The following RPH3AL variants were observed in gnomAD, a reference collection of about 807,000 sequenced individuals.
RPH3AL encodes the protein rab effector Noc2.
RPH3AL carries 38 observed loss-of-function variants against 43.1 expected under a neutral mutation model. The ratio of observed to expected loss-of-function variants is 0.88; its 90% CI spans 0.68 to 1.15. The LOEUF (loss-of-function observed/expected upper bound fraction) is 1.15. Among genes scored for constraint, RPH3AL ranks in the 50% most tolerant of loss-of-function variants. RPH3AL has a pLI of 0.00. For synonymous variants in RPH3AL, 189 were observed against 176.3 expected, an observed-to-expected ratio of 1.07 and a Z score of -0.57; for missense variants, 462 against 423.2, an observed-to-expected ratio of 1.09 and a Z score of -0.81.
At position 332,789 on chromosome 17, in the gene RPH3AL, G is replaced by C. The variant is rs940996591; in HGVS notation, c.-37+970C>G. On this transcript the variant is annotated intron_variant, in intron 2 of 9. Coordinates refer to ENST00000331302, the MANE Select transcript of RPH3AL (RefSeq NM_006987.4). ...CTGGTGCCCCCAGGAGCCTCCTCTG[G>C]GAAGCTGAGACCTCCTGGTGCCACC... The C allele has an allele frequency of 2.5e-5, 8 of 320,520 alleles. No individual in the cohort carries two copies. The Admixed American group carries it at 2.7e-4, about 11-fold the overall frequency. 19.9% of individuals were successfully genotyped at this position (320,520 alleles called of 1,614,324 possible).
intron 5 of RPH3AL, among the ~76,000 whole-genome samples, chr17:302,653 C>T (rs1346520046): frequency 6.6e-6 from 1 of 152,200 alleles, no homozygotes; most frequent in Non-Finnish European, 1.5e-5. Flanking sequence ...TCCCGGCTGC[C>T]ACCCACACTC....
chr17:304,751 C>T (rs1051068405), intron 5 of RPH3AL, among the ~76,000 whole-genome samples: 1 of 152,092 alleles, frequency 6.6e-6, no homozygotes, highest in African/African-American at 2.4e-5. Context: ...ACGTGACACT[C>T]TTCTTCTTTT....
Position 333,272 on chromosome 17 carries a change from C to A in RPH3AL, c.-37+487G>T. On this transcript the variant is annotated intron_variant, in intron 2 of 9. Coordinates refer to ENST00000331302, the MANE Select transcript of RPH3AL (RefSeq NM_006987.4). This position sits in a 1 kb window ranked among gnomAD's most constrained non-coding sequence, Gnocchi z 4.5. ...TGCAGACACAGAGACGGCCATTATG[C>A]AGCCTCACGTGGTCACTCCTGGGGG... is the stretch of plus-strand genomic sequence containing the variant. 2 of 1,287,458 alleles carry A rather than the reference C, an allele frequency of 1.6e-6. No homozygotes were observed. The highest frequency in any genetic ancestry group is 2.0e-6 in the Non-Finnish European group (2 of 988,644). The allele number at this position is 1,287,458 out of a possible 1,614,324, so 79.8% of individuals were successfully genotyped here. A position where few individuals can be genotyped will look rare whatever the true frequency, so the allele number is the denominator to read the frequency against.
intron 6 of RPH3AL, among the ~76,000 whole-genome samples, chr17:269,024 G>GC (rs2042393932): frequency 6.6e-6 from 1 of 151,960 alleles, no homozygotes; most frequent in Non-Finnish European, 1.5e-5. Context: ...GACTACAGGC[G>GC]CCCGCCACCA....
intron 5 of RPH3AL, among the ~76,000 whole-genome samples, chr17:314,937 A>C (rs2043875919): frequency 7.5e-6 from 1 of 133,172 alleles, no homozygotes; most frequent in African/African-American, 3.1e-5. Context: ...ACCTCCATTG[A>C]CCTGTAGTCT....
chr17:214,437 T>C (rs548516878), intron 9 of RPH3AL, among the ~76,000 whole-genome samples: 2 of 152,262 alleles, frequency 1.3e-5, no homozygotes, highest in Admixed American at 6.5e-5. Flanking sequence ...TGAACCATAT[T>C]GAACTGCCGA....
chr17:299,613 T>C (rs1484087141), intron 5 of RPH3AL, among the ~76,000 whole-genome samples: 1 of 152,140 alleles, frequency 6.6e-6, no homozygotes. Context: ...TGCAGGGAAA[T>C]GTCCCAGCGG....
At chr17:261,871 A>G (rs1555546310) in intron 6 of RPH3AL, 1 of 152,198 alleles carries the variant, frequency 6.6e-6, no homozygotes, top group Non-Finnish European at 1.5e-5. Context: ...CCCGGAAGGC[A>G]GCGCTCAGGA....
intron 7 of RPH3AL, among the ~76,000 whole-genome samples, chr17:241,677 G>T (rs2041537024): frequency 6.6e-6 from 1 of 151,182 alleles, no homozygotes; most frequent in African/African-American, 2.4e-5. Context: ...AAAGGGTTTG[G>T]AGATGAGGGT....
At chr17:317,010 C>T (rs1182934096) in intron 5 of RPH3AL, among the ~76,000 whole-genome samples, 2 of 146,942 alleles carry the variant, frequency 1.4e-5, no homozygotes, top group Non-Finnish European at 3.0e-5. Context: ...CTCCATTGAC[C>T]TGTAGTCTCT....
intron 1 of RPH3AL, among the ~76,000 whole-genome samples, chr17:348,688 G>A (rs962319433): frequency 2.0e-5 from 3 of 152,070 alleles, no homozygotes; most frequent in African/African-American, 7.2e-5. Context: ...ATACCCTCCC[G>A]AATGCTTTTG....
chr17:281,174 T>C (rs2042769411), intron 6 of RPH3AL, among the ~76,000 whole-genome samples: 1 of 152,010 alleles, frequency 6.6e-6, no homozygotes, highest in African/African-American at 2.4e-5. Context: ...ACTAGAACCA[T>C]AGAACTGTAG....
intron 1 of RPH3AL, among the ~76,000 whole-genome samples, chr17:348,015 A>C (rs952353277): frequency 6.6e-6 from 1 of 151,590 alleles, no homozygotes; most frequent in African/African-American, 2.4e-5. Flanking sequence ...AAAAAAAAAA[A>C]ATTAAATTAA....
In RPH3AL at chr17:322,836, CAG is replaced by C. The variant is rs2044517440; in HGVS notation, c.78-1423_78-1422del. Among the ~76,000 whole-genome samples, 1 of 152,080 alleles carries C rather than the reference CAG, an allele frequency of 6.6e-6. No homozygotes were observed. The highest frequency in any genetic ancestry group is 1.5e-5 in the Non-Finnish European group (1 of 68,024). On this transcript the variant is annotated intron_variant, in intron 3 of 9. Coordinates refer to ENST00000331302, the MANE Select transcript of RPH3AL (RefSeq NM_006987.4). This position sits in a 1 kb window ranked among gnomAD's most constrained non-coding sequence, Gnocchi z 4.0. ...GCTAATACGCATATCCTTTCTCTGT[CAG>C]GGGGAGCTGGGGGCTGATGAATGTG...
At chr17:244,823 G>A (rs1401748892) in intron 7 of RPH3AL, among the ~76,000 whole-genome samples, 3 of 152,216 alleles carry the variant, frequency 2.0e-5, no homozygotes, top group Non-Finnish European at 4.4e-5. Flanking sequence ...CAGGGTGTGC[G>A]CATGTGCATG....
chr17:261,693 G>GCAGAACACA (rs1221664990), intron 6 of RPH3AL: 1 of 152,164 alleles, frequency 6.6e-6, no homozygotes, highest in East Asian at 1.9e-4. Flanking sequence ...CAATGGGAGG[G>GCAGAACACA]CAGAACACAG....
intron 1 of RPH3AL, among the ~76,000 whole-genome samples, chr17:352,226 A>C (rs1171446727): frequency 1.3e-5 from 2 of 152,162 alleles, no homozygotes; most frequent in African/African-American, 4.8e-5. Flanking sequence ...GCAGCATAAC[A>C]CGCAATACAA....
intron 5 of RPH3AL, among the ~76,000 whole-genome samples, chr17:299,647 C>G (rs1190113812): frequency 6.6e-6 from 1 of 152,194 alleles, no homozygotes; most frequent in African/African-American, 2.4e-5. Flanking sequence ...GACTGGAGGC[C>G]GGTGAAGAAT....
intron 6 of RPH3AL, among the ~76,000 whole-genome samples, chr17:266,275 T>A (rs1179937876): frequency 6.6e-6 from 1 of 151,264 alleles, no homozygotes; most frequent in Non-Finnish European, 1.5e-5. Flanking sequence ...AAAGCCCCCA[T>A]CATCCCTGTG....
Sources: allele counts gnomAD v4.1 joint callset (sites outside exome capture counted in the v4.1 genomes callset), GRCh38; gene constraint gnomAD v4.1.1; non-coding constraint Gnocchi (gnomAD v3.1); transcripts MANE v1.5; gene names NCBI Gene and HGNC (gene_info 2026-07-23, HGNC 2026-07-21).